SLC6A18: variants seen among roughly 807,000 people sequenced by gnomAD.
The protein encoded by SLC6A18 is solute carrier family 6 member 18.
Under a neutral mutation model 62.9 loss-of-function variants are expected in SLC6A18, and 58 were observed. The observed-to-expected ratio is 0.92, with a 90% CI of 0.75 to 1.15. The LOEUF (loss-of-function observed/expected upper bound fraction) is 1.15, where lower values mean the gene tolerates loss of function less well. Ranked by LOEUF, SLC6A18 falls within the 50% of genes most tolerant of loss-of-function variation. SLC6A18 has a pLI of 0.00. For synonymous variants in SLC6A18, 382 were observed against 365.8 expected (o/e 1.04, Z -0.51); for missense variants, 793 against 836.6 (o/e 0.95, Z 0.64).
In SLC6A18 at chr5:1,244,190, CACACCCCT is replaced by C; in HGVS notation, c.1337-23_1337-16del. The C allele has an allele frequency of 1.3e-6, 2 of 1,576,544 alleles. No individual in the cohort carries two copies. The highest frequency in any genetic ancestry group is 1.7e-6 in the Non-Finnish European group (2 of 1,151,630). ...CTCCACTCCCCATCCCCTTACCCCC[CACACCCCT>C]TTCCCACTGCCCCAGGGCTGGTCTG... On this transcript the variant is annotated splice_polypyrimidine_tract_variant and intron_variant, in intron 9 of 11. Coordinates refer to ENST00000324642, the MANE Select transcript of SLC6A18 (RefSeq NM_182632.3).
chr5:1,238,096 G>T, intron 5 of SLC6A18, 36 bp downstream of exon 5: 2 of 1,505,824 alleles, frequency 1.3e-6, no homozygotes. Context: ...AGGGCCTCCA[G>T]CACACACATT....
At chr5:1,235,778 A>G in intron 4 of SLC6A18, 116 bp downstream of exon 4, 1 of 1,011,508 alleles carries the variant, frequency 9.9e-7, no homozygotes, top group Non-Finnish European at 1.5e-6. Context: ...ATAAACATCT[A>G]GGATTGCAAC....
rs1235189442 is a variant in SLC6A18 at position 1,243,552 on chromosome 5, C to T, written c.1132-3C>T. The T allele has an allele frequency of 6.2e-7, 1 of 1,612,930 alleles. No individual in the cohort carries two copies. Among genetic ancestry groups the T allele is most frequent in the South Asian group, 1.1e-5 (1 of 91,046 alleles). On this transcript the variant is annotated splice_polypyrimidine_tract_variant and splice_region_variant and intron_variant, in intron 8 of 11. Transcript: ENST00000324642. This position sits in a 1 kb window ranked among gnomAD's most constrained non-coding sequence, Gnocchi z 6.5. Reference sequence around the variant, plus strand: ...CTGAAGCCCGGGGCTCCGTGTATTGCAGAGTGCCTCGGGCCCGGGCCTGGC... The same window carrying T: ...CTGAAGCCCGGGGCTCCGTGTATTGTAGAGTGCCTCGGGCCCGGGCCTGGC...
chr5:1,246,072 G>A lies in SLC6A18; in HGVS notation c.1881G>A (p.Met627Ile). 1.9e-6 allele frequency: 3 copies of A among 1,578,340 alleles called. No homozygotes were observed. The highest frequency in any genetic ancestry group is 2.6e-6 in the Non-Finnish European group (3 of 1,168,010). ...CGGACATGCGCCCGGACACGGACAT[G>A]CGCTGAAGCCGGCCGGAGCGGGGCC... is the stretch of plus-strand genomic sequence containing the variant. The part of the protein sequence containing the change: ...PDTDMRPDTD[M>I]R Residue 627 changes from methionine to isoleucine, a missense_variant, in exon 12 of 12, where the codon ATG becomes ATA. Met to Ile is a conservative substitution (Grantham distance 10). Transcript: ENST00000324642.
chr5:1,232,920 G>A (rs543255070), intron 3 of SLC6A18, 32 bp downstream of exon 3: 30 of 1,585,036 alleles, frequency 1.9e-5, no homozygotes, highest in Admixed American at 5.2e-5. Context: ...GTGTGGGTCC[G>A]TGCACGGCCG....
At chr5:1,238,117 G>A (rs1746932986) in intron 5 of SLC6A18, 57 bp downstream of exon 5, 3 of 1,351,924 alleles carry the variant, frequency 2.2e-6, no homozygotes, top group Non-Finnish European at 3.2e-6. Flanking sequence ...TCAGGGCTGT[G>A]GCCAGCAGCT....
Position 1,225,438 on chromosome 5 carries a change from G to T in SLC6A18, c.-40G>T. 1.3e-6 allele frequency: 2 copies of T among 1,580,510 alleles called. No individual in the cohort carries two copies. Among genetic ancestry groups the T allele is most frequent in the East Asian group, 2.3e-5 (1 of 43,584 alleles). On this transcript the variant is annotated 5_prime_UTR_variant, in exon 1 of 12. The change creates a new upstream start codon in the 5' untranslated region. Coordinates refer to ENST00000324642, the MANE Select transcript of SLC6A18 (RefSeq NM_182632.3). ...CTCTCTAGTGCTGGGTGTGGAGTGA[G>T]GCACCACCCTTGCCCTGAAGCCTGG...
intron 7 of SLC6A18, 22 bp from the exon 8 acceptor site, chr5:1,242,685 A>T: frequency 1.3e-6 from 2 of 1,584,092 alleles, no homozygotes; most frequent in Non-Finnish European, 1.7e-6. Flanking sequence ...CCATGAGCCC[A>T]CAGTCCTCTC....
chr5:1,231,807 C>T (rs1193982178), intron 1 of SLC6A18, among the ~76,000 whole-genome samples: 1 of 152,184 alleles, frequency 6.6e-6, no homozygotes, highest in Non-Finnish European at 1.5e-5. Context: ...AGTGTGATTC[C>T]GCCAGGCCCC....
Position 1,242,722 on chromosome 5 carries a change from C to T in SLC6A18, c.990C>T (p.Leu330=), listed in dbSNP as rs1747096312. ...GTCCCCGCAGAAACATCCTCAGCCTCATCAACGACTTTGACTTCCCAGAGC... is the reference window on the plus strand; with the variant it reads ...GTCCCCGCAGAAACATCCTCAGCCTTATCAACGACTTTGACTTCCCAGAGC... ...EHCLDRNILS[L]INDFDFPEQS... The change falls in exon 8 of 12, where the codon CTC becomes CTT. Residue 330 remains leucine (L), a synonymous_variant. Coordinates refer to ENST00000324642, the MANE Select transcript of SLC6A18 (RefSeq NM_182632.3). The T allele has an allele frequency of 6.2e-7, 1 of 1,611,340 alleles. No individual in the cohort carries two copies. Among genetic ancestry groups the T allele is most frequent in the Non-Finnish European group, 8.5e-7 (1 of 1,178,306 alleles).
chr5:1,225,583 G>T lies in SLC6A18; in HGVS notation c.106G>T (p.Val36Leu), dbSNP rs574087177. 2.5e-5 allele frequency: 40 copies of T among 1,610,230 alleles called. No individual in the cohort carries two copies. Among genetic ancestry groups the T allele is most frequent in the Non-Finnish European group, 2.9e-5 (34 of 1,177,862 alleles). Residue 36 changes from valine to leucine, a missense_variant, in exon 1 of 12, where the codon GTG becomes TTG. By Grantham distance (32) the Val-to-Leu change is conservative. Transcript: ENST00000324642. ...CCTCCTGAGCTGCACTGGGTTTGCC[G>T]TGGGACTGGGGAACATTTGGCGGTT... ...QYLLSCTGFA[V>L]GLGNIWRFPY...
chr5:1,242,571 G>A lies in SLC6A18; in HGVS notation c.975-136G>A, dbSNP rs546710115. On this transcript the variant is annotated intron_variant, in intron 7 of 11. Coordinates refer to ENST00000324642, the MANE Select transcript of SLC6A18 (RefSeq NM_182632.3). Reference sequence around the variant, plus strand: ...CACGATCCCAACAGGGGCAGGAGGGGCCCACACGATCCCAACAGGGGCAGG... The same window carrying A: ...CACGATCCCAACAGGGGCAGGAGGGACCCACACGATCCCAACAGGGGCAGG... The A allele has an allele frequency of 5.6e-4, 679 of 1,217,210 alleles. 6 individuals carry two copies. The African/African-American group carries it at 0.01, about 18-fold the overall frequency. The allele number at this position is 1,217,210 out of a possible 1,614,324, so 75.4% of individuals were successfully genotyped here.
At chr5:1,226,477 C>T (rs1267921607) in intron 1 of SLC6A18, among the ~76,000 whole-genome samples, 2 of 152,222 alleles carry the variant, frequency 1.3e-5, no homozygotes, top group African/African-American at 4.8e-5. Context: ...AGCCTGTTCC[C>T]CGGGCCCTCA....
chr5:1,246,107 G>A lies in SLC6A18; in HGVS notation c.*29G>A, dbSNP rs1747217327. ...CGGCCGGAGCGGGGCCTGCATGGGC[G>A]GGTCTGTGGGGGGGCTTGGCCTGAT... is the stretch of plus-strand genomic sequence containing the variant. On this transcript the variant is annotated 3_prime_UTR_variant, in exon 12 of 12. Coordinates refer to ENST00000324642, the MANE Select transcript of SLC6A18 (RefSeq NM_182632.3). The A allele has an allele frequency of 1.3e-6, 2 of 1,535,820 alleles. No individual in the cohort carries two copies. Among genetic ancestry groups the A allele is most frequent in the South Asian group, 1.2e-5 (1 of 83,250 alleles).
At chr5:1,236,859 T>C (rs1330057461) in intron 4 of SLC6A18, among the ~76,000 whole-genome samples, 3 of 152,096 alleles carry the variant, frequency 2.0e-5, no homozygotes, top group Admixed American at 1.3e-4. Context: ...GGGGTCTTCA[T>C]GCTTGAGAGG....
In SLC6A18 at chr5:1,232,231, TC is replaced by T; in HGVS notation, c.177del (p.Tyr60ThrfsTer41). On this transcript the variant is annotated frameshift_variant, in exon 2 of 12. Transcript: ENST00000324642. LOFTEE classifies it high-confidence loss of function. The stretch of plus-strand genomic sequence containing the variant: ...CCCCTCCTCACAGGGGCCTTCCTCA[TC>T]CCCTACGTCATCGCGCTGGTCTTCG... Reference protein sequence around the residue: ...CQTYGGGAFLIPYVIALVFEG... With the variant: ...CQTYGGGAFLXPYVIALVFEG... 1.2e-6 allele frequency: 2 copies of T among 1,611,648 alleles called. No homozygotes were observed. Among genetic ancestry groups the T allele is most frequent in the Non-Finnish European group, 1.7e-6 (2 of 1,179,286 alleles).
chr5:1,234,861 C>T lies in SLC6A18; in HGVS notation c.440-620C>T, dbSNP rs898445576. ...GAGCCCTGTGGCATGGGCAGTGGCC[C>T]GGTCGGGATACCGGTAATCCTCAGA... On this transcript the variant is annotated intron_variant, in intron 3 of 11. Transcript: ENST00000324642. Among the ~76,000 whole-genome samples the T allele has an allele frequency of 5.3e-5, 8 of 152,202 alleles. No individual in the cohort carries two copies. In the East Asian group the frequency reaches 7.7e-4, roughly 15 times the overall value.
chr5:1,244,185 C>G (rs1340560459), intron 9 of SLC6A18, 29 bp from the exon 10 acceptor site: 56 of 572,750 alleles, frequency 9.8e-5, no homozygotes, highest in Non-Finnish European at 1.8e-4. Flanking sequence ...CATCCCCTTA[C>G]CCCCCACACC....
In SLC6A18 at chr5:1,235,596, C is replaced by T; in HGVS notation, c.555C>T (p.Ile185=). ...DSGSIQWWLL[I]CLAASWAVVY... is the part of the protein sequence containing the mutation. ...GCTCCATCCAGTGGTGGCTGCTCAT[C>T]TGCTTGGCAGCCTCCTGGGCAGTCG... Residue 185 remains isoleucine (I), a synonymous_variant, in exon 4 of 12, where the codon ATC becomes ATT. Transcript: ENST00000324642. The T allele has an allele frequency of 1.2e-6, 2 of 1,614,084 alleles. No homozygotes were observed. The highest frequency in any genetic ancestry group is 1.7e-6 in the Non-Finnish European group (2 of 1,180,036).
Sources: allele counts gnomAD v4.1 joint callset (sites outside exome capture counted in the v4.1 genomes callset), GRCh38; gene constraint gnomAD v4.1.1; non-coding constraint Gnocchi (gnomAD v3.1); transcripts MANE v1.5; gene names NCBI Gene and HGNC (gene_info 2026-07-23, HGNC 2026-07-21).